The following APBB1IP variants were observed in gnomAD, a reference collection of about 807,000 sequenced individuals.
The protein encoded by APBB1IP is amyloid beta precursor protein binding family B member 1 interacting protein, also known as amyloid beta A4 precursor protein-binding family B member 1-interacting protein.
Under a neutral mutation model 64.9 loss-of-function variants are expected in APBB1IP, and 27 were observed. That is an observed-to-expected ratio of 0.42 (90% CI 0.31 to 0.57). APBB1IP has a LOEUF of 0.57. Ranked by LOEUF, APBB1IP falls within the 20% of genes least tolerant of loss-of-function variation. The pLI is 0.20. For synonymous variants in APBB1IP, 392 were observed against 331.0 expected (o/e 1.18, Z -2.00); for missense variants, 812 against 845.5 (o/e 0.96, Z 0.49).
chr10:26,567,134 A>G lies in APBB1IP; in HGVS notation c.1647A>G (p.Pro549=). 7.1e-7 allele frequency: 1 copy of G among 1,408,606 alleles called. No individual in the cohort carries two copies. The highest frequency in any genetic ancestry group is 9.1e-7 in the Non-Finnish European group (1 of 1,093,262). The allele number at this position is 1,408,606 out of a possible 1,614,324, so 87.3% of individuals were successfully genotyped here. ...KGTGGGGLPA[P]PDDFLPPPPP... is the part of the protein sequence containing the mutation. Reference sequence around the variant, plus strand: ...CAGGCGGCGGGGGCTTGCCCGCCCCACCCGACGACTTCCTGCCGCCGCCGC... The same window carrying G: ...CAGGCGGCGGGGGCTTGCCCGCCCCGCCCGACGACTTCCTGCCGCCGCCGC... Residue 549 remains proline (P), a synonymous_variant, in exon 15 of 15, where the codon CCA becomes CCG. Coordinates refer to ENST00000376236, the MANE Select transcript of APBB1IP (RefSeq NM_019043.4).
In APBB1IP at chr10:26,541,597, G is replaced by C. The variant is rs1425234688; in HGVS notation, c.1060G>C (p.Ala354Pro). 3.1e-6 allele frequency: 5 copies of C among 1,609,678 alleles called. No homozygotes were observed. The highest frequency in any genetic ancestry group is 1.3e-5 in the African/African-American group (1 of 74,684). The part of the protein sequence containing the change: ...KGKTKTSRDL[A>P]CFIQFENVNI... ...TGTCTTTCAGACATCTCGAGATCTG[G>C]CGTGTTTTATACAGTTTGAAAATGT... Residue 354 changes from alanine to proline, a missense_variant, in exon 11 of 15, where the codon GCG (alanine) becomes CCG (proline). Ala to Pro is a conservative substitution (Grantham distance 27). This residue lies in a region of APBB1IP where 394 missense variants were observed against 413.1 expected (regional missense o/e 0.95). Transcript: ENST00000376236.
At chr10:26,565,379 G>A (rs1345665326) in intron 14 of APBB1IP, among the ~76,000 whole-genome samples, 2 of 152,176 alleles carry the variant, frequency 1.3e-5, no homozygotes, top group African/African-American at 4.8e-5. Context: ...TGAGAACCAA[G>A]GAGTGAAGTC....
At position 26,567,065 on chromosome 10, in the gene APBB1IP, C is replaced by G. The variant is rs368104971; in HGVS notation, c.1578C>G (p.Ser526=). 9.5e-4 allele frequency: 1,420 copies of G among 1,497,352 alleles called. No individual in the cohort carries two copies. The highest frequency in any genetic ancestry group is 1.2e-3 in the Non-Finnish European group (1,347 of 1,137,348). The allele number at this position is 1,497,352 out of a possible 1,614,324, so 92.8% of individuals were successfully genotyped here. A position where few individuals can be genotyped will look rare whatever the true frequency, so the allele number is the denominator to read the frequency against. Residue 526 remains serine, a synonymous_variant, in exon 15 of 15, where the codon TCC becomes TCG. Coordinates refer to ENST00000376236, the MANE Select transcript of APBB1IP (RefSeq NM_019043.4). ...CGCCCCCTCCGGTGCGGAGGTCCTC[C>G]GACACCAGCGGCAGTCCCGCCACGC... is the stretch of plus-strand genomic sequence containing the variant. The part of the protein sequence containing the change: ...LPPPPPVRRS[S]DTSGSPATPL...
At chr10:26,488,652 C>T (rs1333369609) in intron 2 of APBB1IP, among the ~76,000 whole-genome samples, 1 of 152,206 alleles carries the variant, frequency 6.6e-6, no homozygotes, top group Admixed American at 6.5e-5. Flanking sequence ...AGGGGCAGGG[C>T]CCACCTGCAG....
intron 8 of APBB1IP, among the ~76,000 whole-genome samples, chr10:26,519,537 C>A (rs1345701862): frequency 2.0e-5 from 3 of 152,154 alleles, no homozygotes; most frequent in Non-Finnish European, 1.5e-5. Context: ...AGACATGGTG[C>A]TAAACTGTTA....
chr10:26,488,158 A>G (rs1835913806), intron 2 of APBB1IP, among the ~76,000 whole-genome samples: 1 of 152,196 alleles, frequency 6.6e-6, no homozygotes, highest in Non-Finnish European at 1.5e-5. Flanking sequence ...AAGATTTTTA[A>G]TACCATATTA....
chr10:26,503,240 C>A lies in APBB1IP; in HGVS notation c.497C>A (p.Ala166Glu). 6.2e-7 allele frequency: 1 copy of A among 1,613,974 alleles called. No homozygotes were observed. Among genetic ancestry groups the A allele is most frequent in the Non-Finnish European group, 8.5e-7 (1 of 1,179,970 alleles). The change falls in exon 6 of 15, where the codon GCG becomes GAG. Residue 166 changes from alanine (A) to glutamate (E), a missense_variant. Transcript: ENST00000376236. Reference sequence around the variant, plus strand: ...GCCAAGGCTGATAAAATTAAGCTGGCGCTGGAAAAACTGAAGGAGGCCAAG... The same window carrying A: ...GCCAAGGCTGATAAAATTAAGCTGGAGCTGGAAAAACTGAAGGAGGCCAAG... ...AQAKADKIKL[A>E]LEKLKEAKVK... is the part of the protein sequence containing the mutation.
At chr10:26,499,931 C>T (rs1223768098) in intron 4 of APBB1IP, among the ~76,000 whole-genome samples, 1 of 152,152 alleles carries the variant, frequency 6.6e-6, no homozygotes, top group Non-Finnish European at 1.5e-5. Flanking sequence ...TGGCTCTTGG[C>T]TGGGCACAGT....
chr10:26,492,654 C>G (rs991896264), intron 3 of APBB1IP, among the ~76,000 whole-genome samples: 1 of 152,150 alleles, frequency 6.6e-6, no homozygotes, highest in East Asian at 1.9e-4. Context: ...TCCATGATAC[C>G]CCCAAGCCAT....
At chr10:26,532,091 G>A (rs1222449341) in intron 8 of APBB1IP, among the ~76,000 whole-genome samples, 3 of 152,178 alleles carry the variant, frequency 2.0e-5, no homozygotes, top group Non-Finnish European at 2.9e-5. Flanking sequence ...TTTCAAGGTG[G>A]TCTGAGGATT....
chr10:26,533,233 T>C (rs747089396), intron 8 of APBB1IP, among the ~76,000 whole-genome samples: 2 of 152,232 alleles, frequency 1.3e-5, no homozygotes, highest in Non-Finnish European at 2.9e-5. Context: ...GTGTACACTA[T>C]GGGAGGATGA....
chr10:26,536,615 A>G (rs997966003), intron 10 of APBB1IP, among the ~76,000 whole-genome samples: 4 of 141,384 alleles, frequency 2.8e-5, no homozygotes, highest in African/African-American at 8.0e-5. Flanking sequence ...TTCTTTTGAG[A>G]TAGTCTCACT....
intron 11 of APBB1IP, among the ~76,000 whole-genome samples, chr10:26,543,226 G>T (rs376759142): frequency 2.6e-5 from 4 of 152,056 alleles, no homozygotes; most frequent in African/African-American, 9.6e-5. Context: ...CAACACTGTG[G>T]GAGGCTGAGG....
chr10:26,452,659 A>G (rs927820806), intron 2 of APBB1IP, among the ~76,000 whole-genome samples: 10 of 152,212 alleles, frequency 6.6e-5, no homozygotes, highest in African/African-American at 1.4e-4. Context: ...CCATATTTAT[A>G]GCTCCTACTA....
intron 10 of APBB1IP, among the ~76,000 whole-genome samples, chr10:26,538,932 A>G (rs1177802221): frequency 6.6e-6 from 1 of 152,250 alleles, no homozygotes; most frequent in Non-Finnish European, 1.5e-5. Flanking sequence ...ACCGTCTAAT[A>G]TCAGAGAAGT....
chr10:26,484,666 T>A (rs947954117), intron 2 of APBB1IP, among the ~76,000 whole-genome samples: 1 of 152,160 alleles, frequency 6.6e-6, no homozygotes. Flanking sequence ...TATTAAAAAA[T>A]TCCTATATAA....
chr10:26,446,879 G>T (rs61838427), intron 2 of APBB1IP, among the ~76,000 whole-genome samples: 18,883 of 117,704 alleles, frequency 0.16, 1,360 homozygotes, highest in East Asian at 0.23. Flanking sequence ...GATAGAGAGA[G>T]AGATAGATAG....
intron 14 of APBB1IP, 27 bp downstream of exon 14, chr10:26,562,456 A>AGGG (rs764309973): frequency 1.3e-6 from 2 of 1,578,512 alleles, no homozygotes; most frequent in Non-Finnish European, 1.7e-6. Flanking sequence ...GCTGACCCCT[A>AGGG]TAAGCCATGT....
rs1455575757 is a variant in APBB1IP at position 26,567,034 on chromosome 10, T to C, written c.1547T>C (p.Leu516Pro). The change falls in exon 15 of 15, where the codon CTG becomes CCG. Residue 516 changes from leucine to proline, a missense_variant. This residue lies in a region of APBB1IP where 381 missense variants were observed against 352.1 expected (regional missense o/e 1.08). Transcript: ENST00000376236. The stretch of plus-strand genomic sequence containing the variant: ...GCCCCGCACGCCCCCAAGTCCAGCC[T>C]GCCCCCGCCCCCTCCGGTGCGGAGG... Reference protein sequence around the residue: ...PRAPHAPKSSLPPPPPVRRSS... With the variant: ...PRAPHAPKSSPPPPPPVRRSS... 1.3e-6 allele frequency: 2 copies of C among 1,545,146 alleles called. No individual in the cohort carries two copies. The highest frequency in any genetic ancestry group is 2.9e-5 in the African/African-American group (2 of 68,386).
Sources: allele counts gnomAD v4.1 joint callset (sites outside exome capture counted in the v4.1 genomes callset), GRCh38; gene constraint gnomAD v4.1.1; regional missense constraint gnomAD v4.1.1; transcripts MANE v1.5; gene names NCBI Gene and HGNC (gene_info 2026-07-23, HGNC 2026-07-21).